Variants in HNRNPA2B1 observed in about 807,000 individuals in gnomAD.
HNRNPA2B1 encodes the protein heterogeneous nuclear ribonucleoprotein A2/B1.
In HNRNPA2B1, 3 loss-of-function variants were observed where a neutral mutation model predicts 46.3. That is an observed-to-expected ratio of 0.06 (90% CI 0.03 to 0.17). The LOEUF is 0.17. HNRNPA2B1 is among the 10% of genes least tolerant of loss of function. The pLI, the probability that HNRNPA2B1 is intolerant of heterozygous loss-of-function variation, is 1.00. For missense variants in HNRNPA2B1, 221 were observed against 418.9 expected (o/e 0.53, Z 4.12); for synonymous variants, 225 against 133.8 (o/e 1.68, Z -4.70).
intron 1 of HNRNPA2B1, chr7:26,199,354 G>A (rs1471653080): frequency 6.6e-6 from 1 of 152,386 alleles, no homozygotes; most frequent in Non-Finnish European, 1.5e-5. Flanking sequence ...AATGAGAAAA[G>A]TAACAAAGTT....
At chr7:26,194,801 A>T (rs544187489) in intron 7 of HNRNPA2B1, among the ~76,000 whole-genome samples, 70 of 151,032 alleles carry the variant, frequency 4.6e-4, no homozygotes, top group Non-Finnish European at 7.5e-4. Context: ...ACAAAAATAA[A>T]AAAAAAAAAA....
rs1436664785 is a variant in HNRNPA2B1, at chr7:26,190,736, CCAGGCTTCAT to C, written c.*1614_*1623del. On this transcript the variant is annotated 3_prime_UTR_variant, in exon 11 of 11. Transcript: ENST00000618183. ...CCACCTATTTAGTACTGGATACATA[CCAGGCTTCAT>C]AATGCAGACAAGACACTTCACTCAA... 1.3e-5 allele frequency: 2 copies of C among 152,150 alleles called. No individual in the cohort carries two copies. Among genetic ancestry groups the C allele is most frequent in the African/African-American group, 4.8e-5 (2 of 41,440 alleles). 9.4% of individuals were successfully genotyped at this position (152,150 alleles called of 1,614,324 possible).
intron 6 of HNRNPA2B1, 54 bp from the exon 7 acceptor site, chr7:26,195,963 C>A: frequency 1.3e-6 from 2 of 1,543,732 alleles, no homozygotes; most frequent in Non-Finnish European, 1.7e-6. Flanking sequence ...AGCATTATTG[C>A]TAATATTCAT....
At chr7:26,195,345 T>A (rs1783440116) in intron 7 of HNRNPA2B1, among the ~76,000 whole-genome samples, 1 of 152,200 alleles carries the variant, frequency 6.6e-6, no homozygotes, top group Non-Finnish European at 1.5e-5. Context: ...TGTACGCCAA[T>A]GATATATCAC....
rs762262068 is a variant in HNRNPA2B1, at chr7:26,193,666, A to G, written c.750T>C (p.Tyr250=). ...GGGNFGGSPG[Y]GGGRGGYGGG... is the part of the protein sequence containing the mutation. ...CACCATATCCTCCTCTTCCTCCTCC[A>G]TAACCGGGGCTACCTCCAAAATTGC... is the stretch of plus-strand genomic sequence containing the variant. The change falls in exon 8 of 11, where the codon TAT becomes TAC. Residue 250 remains tyrosine (Y), a synonymous_variant. Coordinates refer to ENST00000618183, the MANE Select transcript of HNRNPA2B1 (RefSeq NM_002137.4). 1.2e-6 allele frequency: 2 copies of G among 1,612,878 alleles called. No homozygotes were observed. The highest frequency in any genetic ancestry group is 2.2e-5 in the East Asian group (1 of 44,826).
intron 1 of HNRNPA2B1, chr7:26,199,928 G>C (rs1050695864): frequency 1.3e-5 from 2 of 152,106 alleles, no homozygotes; most frequent in African/African-American, 2.4e-5. Flanking sequence ...CCATTTCATC[G>C]AGGGGAAGGC....
intron 9 of HNRNPA2B1, among the ~76,000 whole-genome samples, chr7:26,193,022 A>G (rs1320818255): frequency 1.3e-5 from 2 of 152,148 alleles, no homozygotes; most frequent in African/African-American, 4.8e-5. Context: ...ACCAGAAATT[A>G]AACTACTGAA....
chr7:26,193,484 C>CATCT, intron 8 of HNRNPA2B1, 91 bp downstream of exon 8: 1 of 1,523,700 alleles, frequency 6.6e-7, no homozygotes, highest in African/African-American at 1.4e-5. Flanking sequence ...ATTTTATGGG[C>CATCT]ATCTAGTGAC....
chr7:26,193,132 A>C, intron 9 of HNRNPA2B1, 119 bp downstream of exon 9: 1 of 959,146 alleles, frequency 1.0e-6, no homozygotes, highest in Non-Finnish European at 1.6e-6. Flanking sequence ...TTTCACTAAG[A>C]CCGTACATGG....
At position 26,198,954 on chromosome 7, in the gene HNRNPA2B1, T is replaced by G. The variant is rs377261520; in HGVS notation, c.7-1222A>C. 18 of 152,338 alleles carry G rather than the reference T, an allele frequency of 1.2e-4. No individual in the cohort carries two copies. In the East Asian group the frequency reaches 1.5e-3, roughly 13 times the overall value. The allele number at this position is 152,338 out of a possible 1,614,324, so 9.4% of individuals were successfully genotyped here. On this transcript the variant is annotated intron_variant, in intron 1 of 10. Coordinates refer to ENST00000618183, the MANE Select transcript of HNRNPA2B1 (RefSeq NM_002137.4). ...TCAGATTTTTTTCCTGTAGTTTTCA[T>G]GACTCGTAAAAATTAAAGAAAAAAT...
rs756818963 is a variant in HNRNPA2B1, at chr7:26,192,481, C to G, written c.*21+14G>C. On this transcript the variant is annotated intron_variant, in intron 10 of 10. Coordinates refer to ENST00000618183, the MANE Select transcript of HNRNPA2B1 (RefSeq NM_002137.4). ...CCAAGATAATAATAATTGTAAAACTCAAAAGCTACTTACCCATGGCAAATA... is the reference window on the plus strand; with the variant it reads ...CCAAGATAATAATAATTGTAAAACTGAAAAGCTACTTACCCATGGCAAATA... The G allele has an allele frequency of 2.6e-6, 4 of 1,564,180 alleles. No homozygotes were observed. The highest frequency in any genetic ancestry group is 4.5e-5 in the East Asian group (2 of 44,620).
chr7:26,194,508 G>A (rs1266196084), intron 7 of HNRNPA2B1, among the ~76,000 whole-genome samples: 1 of 151,142 alleles, frequency 6.6e-6, no homozygotes, highest in Admixed American at 6.6e-5. Flanking sequence ...AGACCAGCCA[G>A]GGCAACACAG....
intron 7 of HNRNPA2B1, 96 bp downstream of exon 7, chr7:26,195,751 T>C (rs1009347498): frequency 6.6e-6 from 9 of 1,368,960 alleles, no homozygotes; most frequent in African/African-American, 3.0e-5. Flanking sequence ...GACACTAATA[T>C]AAAATGTTTA....
intron 7 of HNRNPA2B1, among the ~76,000 whole-genome samples, chr7:26,195,362 T>C (rs1446288600): frequency 2.6e-5 from 4 of 152,234 alleles, no homozygotes; most frequent in Non-Finnish European, 2.9e-5. Context: ...TCACACTTCA[T>C]GTTTAATGGT....
At chr7:26,198,425 G>T (rs934059006) in intron 1 of HNRNPA2B1, 1 of 152,334 alleles carries the variant, frequency 6.6e-6, no homozygotes, top group East Asian at 1.9e-4. Flanking sequence ...AGCACTCGAA[G>T]CTTAAAAAGT....
chr7:26,193,165 A>T, intron 9 of HNRNPA2B1, 86 bp downstream of exon 9: 1 of 1,334,510 alleles, frequency 7.5e-7, no homozygotes, highest in Non-Finnish European at 1.1e-6. Flanking sequence ...AGTACAAACT[A>T]CTTAGTATGT....
chr7:26,194,540 A>G (rs1209118310), intron 7 of HNRNPA2B1, among the ~76,000 whole-genome samples: 1 of 151,532 alleles, frequency 6.6e-6, no homozygotes, highest in Non-Finnish European at 1.5e-5. Flanking sequence ...CACCTCTACA[A>G]AAAAACACAA....
intron 1 of HNRNPA2B1, 161 bp downstream of exon 1, chr7:26,200,411 G>T: frequency 1.3e-6 from 1 of 756,048 alleles, no homozygotes; most frequent in South Asian, 1.5e-5. Context: ...GTACGCTCAG[G>T]CCTCCGCTCA....
In HNRNPA2B1 at chr7:26,200,676, G is replaced by A. The variant is rs1318402935; in HGVS notation, c.-99C>T. ...ACCGGACTCGTCCTGGCGCTGTAGT[G>A]AGAACTGCCGCTGCTCGAGAAACAA... On this transcript the variant is annotated 5_prime_UTR_variant, in exon 1 of 11. Coordinates refer to ENST00000618183, the MANE Select transcript of HNRNPA2B1 (RefSeq NM_002137.4). 9 of 1,449,446 alleles carry A rather than the reference G, an allele frequency of 6.2e-6. No individual in the cohort carries two copies. In the East Asian group the frequency reaches 9.1e-5, roughly 15 times the overall value. 89.8% of individuals were successfully genotyped at this position (1,449,446 alleles called of 1,614,324 possible). A position where few individuals can be genotyped will look rare whatever the true frequency, so the allele number is the denominator to read the frequency against.
Sources: allele counts gnomAD v4.1 joint callset (sites outside exome capture counted in the v4.1 genomes callset), GRCh38; gene constraint gnomAD v4.1.1; transcripts MANE v1.5; gene names NCBI Gene and HGNC (gene_info 2026-07-23, HGNC 2026-07-21).